LIMA1: variants seen among roughly 807,000 people sequenced by gnomAD.
LIMA1 encodes the protein LIM domain and actin binding 1.
Under a neutral mutation model 62.6 loss-of-function variants are expected in LIMA1, and 52 were observed. That is an observed-to-expected ratio of 0.83 (90% CI 0.67 to 1.05). The LOEUF is 1.05. LIMA1 is among the 50% of genes least tolerant of loss of function. The pLI is 0.00. For missense variants in LIMA1, 780 were observed against 902.2 expected, an observed-to-expected ratio of 0.86 and a Z score of 1.74; for synonymous variants, 302 against 317.8, an observed-to-expected ratio of 0.95 and a Z score of 0.53.
At chr12:50,213,385 T>C (rs543626172) in intron 4 of LIMA1, among the ~76,000 whole-genome samples, 1 of 152,386 alleles carries the variant, frequency 6.6e-6, no homozygotes, top group South Asian at 2.1e-4. Flanking sequence ...TGTTATATGG[T>C]AGAAGGGGTA....
intron 1 of LIMA1, among the ~76,000 whole-genome samples, chr12:50,277,969 T>A (rs1942294416): frequency 1.3e-5 from 2 of 152,178 alleles, no homozygotes; most frequent in Non-Finnish European, 1.5e-5. Context: ...CCTATCAAAT[T>A]AGTAAAGATT....
At chr12:50,268,878 C>G (rs771078087) in intron 1 of LIMA1, among the ~76,000 whole-genome samples, 1 of 152,192 alleles carries the variant, frequency 6.6e-6, no homozygotes, top group Non-Finnish European at 1.5e-5. Flanking sequence ...TGTCCATGTT[C>G]TAATGACATA....
At chr12:50,200,170 C>T (rs1441975542) in intron 7 of LIMA1, among the ~76,000 whole-genome samples, 1 of 152,152 alleles carries the variant, frequency 6.6e-6, no homozygotes, top group Non-Finnish European at 1.5e-5. Flanking sequence ...GCTGGGATTA[C>T]AGGCGTGAGC....
chr12:50,193,990 T>TAC (rs751794434), intron 8 of LIMA1, among the ~76,000 whole-genome samples: 1 of 84,200 alleles, frequency 1.2e-5, no homozygotes, highest in Non-Finnish European at 2.3e-5. Context: ...TATATATATA[T>TAC]ATATATATTT....
intron 1 of LIMA1, among the ~76,000 whole-genome samples, chr12:50,251,179 A>T (rs1404375544): frequency 6.6e-6 from 1 of 152,186 alleles, no homozygotes. Flanking sequence ...GTTTTTTTTA[A>T]ACTCTGTAAG....
intron 4 of LIMA1, among the ~76,000 whole-genome samples, chr12:50,218,825 G>A (rs1454522273): frequency 6.7e-6 from 1 of 150,184 alleles, no homozygotes; most frequent in African/African-American, 2.5e-5. Flanking sequence ...AGGGGTCAAG[G>A]CTGCAGTGAG....
intron 1 of LIMA1, among the ~76,000 whole-genome samples, 173 bp from the exon 2 acceptor site, chr12:50,248,947 A>C (rs1208528791): frequency 1.3e-5 from 2 of 152,222 alleles, no homozygotes; most frequent in Non-Finnish European, 2.9e-5. Context: ...GTGGTTTCTT[A>C]TAAAAGGAGG....
chr12:50,226,734 G>A (rs1400778200), intron 3 of LIMA1, among the ~76,000 whole-genome samples: 1 of 151,838 alleles, frequency 6.6e-6, no homozygotes, highest in Non-Finnish European at 1.5e-5. Context: ...AGCTACTCGG[G>A]AGGCTGAGGC....
intron 1 of LIMA1, among the ~76,000 whole-genome samples, chr12:50,271,904 A>G (rs1014480612): frequency 3.9e-5 from 6 of 152,350 alleles, no homozygotes; most frequent in East Asian, 1.9e-4. Flanking sequence ...CTACATGCTC[A>G]TAAGTCTTGC....
intron 1 of LIMA1, among the ~76,000 whole-genome samples, chr12:50,276,732 T>C (rs1021039949): frequency 2.6e-5 from 4 of 152,054 alleles, no homozygotes; most frequent in Non-Finnish European, 5.9e-5. Context: ...TAGCTAGGCG[T>C]GGTGGCATGT....
At chr12:50,215,180 GA>G (rs1264992455) in intron 4 of LIMA1, among the ~76,000 whole-genome samples, 1 of 152,156 alleles carries the variant, frequency 6.6e-6, no homozygotes, top group African/African-American at 2.4e-5. Flanking sequence ...TCTTATGTAC[GA>G]GTGTTATGCA....
In LIMA1 at chr12:50,195,891, CAAAAAAA is replaced by C. The variant is rs373254884; in HGVS notation, c.973-11_973-5del. 30 of 1,098,730 alleles carry C rather than the reference CAAAAAAA, an allele frequency of 2.7e-5. No homozygotes were observed. Among genetic ancestry groups the C allele is most frequent in the African/African-American group, 1.0e-4 (4 of 38,566 alleles). The allele number at this position is 1,098,730 out of a possible 1,614,324, so 68.1% of individuals were successfully genotyped here. A position where few individuals can be genotyped will look rare whatever the true frequency, so the allele number is the denominator to read the frequency against. On this transcript the variant is annotated splice_polypyrimidine_tract_variant and splice_region_variant and intron_variant, in intron 7 of 10. Coordinates refer to ENST00000341247, the MANE Select transcript of LIMA1 (RefSeq NM_016357.5). ...GGCTATTCTCATTTGCAGAAATCTA[CAAAAAAA>C]AAAAAAAAAAAAAAGTTAGAGGGGG...
chr12:50,231,664 C>T lies in LIMA1; in HGVS notation c.165+1G>A. On this transcript the variant is annotated splice_donor_variant, in intron 3 of 10. Coordinates refer to ENST00000341247, the MANE Select transcript of LIMA1 (RefSeq NM_016357.5). LOFTEE classifies it high-confidence loss of function. ...ATGCCCTGGAATTTCTGAATACTTACACTTCTCTTCTTCTCCATGTTTGTT... is the reference window on the plus strand; with the variant it reads ...ATGCCCTGGAATTTCTGAATACTTATACTTCTCTTCTTCTCCATGTTTGTT... The T allele has an allele frequency of 1.2e-6, 2 of 1,613,998 alleles. No homozygotes were observed. The highest frequency in any genetic ancestry group is 1.7e-6 in the Non-Finnish European group (2 of 1,179,844).
rs1044544874 is a variant in LIMA1, at chr12:50,176,987, T to C, written c.*77A>G. ...CATTTCATGCTGGGATACCTGCTTA[T>C]GTGCATCACATTTTGACAAAGGGCA... On this transcript the variant is annotated 3_prime_UTR_variant, in exon 11 of 11. Coordinates refer to ENST00000341247, the MANE Select transcript of LIMA1 (RefSeq NM_016357.5). The C allele has an allele frequency of 5.8e-5, 65 of 1,128,534 alleles. No individual in the cohort carries two copies. In the African/African-American group the frequency reaches 9.0e-4, roughly 16 times the overall value. 69.9% of individuals were successfully genotyped at this position (1,128,534 alleles called of 1,614,324 possible).
chr12:50,240,554 G>T (rs575492804), intron 2 of LIMA1, among the ~76,000 whole-genome samples: 1 of 152,282 alleles, frequency 6.6e-6, no homozygotes, highest in Non-Finnish European at 1.5e-5. Flanking sequence ...ATGGGGAAGA[G>T]AGAATGATTC....
chr12:50,207,210 C>G (rs1394456894), intron 4 of LIMA1, among the ~76,000 whole-genome samples: 1 of 152,196 alleles, frequency 6.6e-6, no homozygotes, highest in Non-Finnish European at 1.5e-5. Context: ...CAAGCTTGAG[C>G]CACTGCGCCT....
intron 8 of LIMA1, among the ~76,000 whole-genome samples, chr12:50,194,912 G>A (rs1043024523): frequency 6.6e-6 from 1 of 152,066 alleles, no homozygotes; most frequent in African/African-American, 2.4e-5. Flanking sequence ...GCCAGGCATG[G>A]TGGTGTGCGC....
Position 50,247,845 on chromosome 12 carries a change from T to C in LIMA1, c.119+788A>G, listed in dbSNP as rs558702154. On this transcript the variant is annotated intron_variant, in intron 2 of 10. Coordinates refer to ENST00000341247, the MANE Select transcript of LIMA1 (RefSeq NM_016357.5). The stretch of plus-strand genomic sequence containing the variant: ...GGTTTCACCATGTTGGCCAGGCTGA[T>C]CTTGAACTCCTGACCTCAAGTGATC... Among the ~76,000 whole-genome samples, 14 of 152,178 alleles carry C rather than the reference T, an allele frequency of 9.2e-5. No homozygotes were observed. The South Asian group carries it at 2.9e-3, about 32-fold the overall frequency.
intron 2 of LIMA1, among the ~76,000 whole-genome samples, chr12:50,235,417 C>T (rs186215640): frequency 1.3e-3 from 195 of 151,740 alleles, no homozygotes; most frequent in African/African-American, 4.5e-3. Flanking sequence ...AGGTGTGCAC[C>T]GCTATGCCCG....
Sources: gnomAD v4.1 joint callset for allele counts (sites outside exome capture counted in the v4.1 genomes callset) on GRCh38, gnomAD v4.1.1 for gene constraint, MANE v1.5 for transcripts, NCBI Gene and HGNC (gene_info 2026-07-23, HGNC 2026-07-21) for gene names.